The following XCL1 variants were observed in gnomAD, a reference collection of about 807,000 sequenced individuals.
The protein encoded by XCL1 is lymphotactin.
Under a neutral mutation model 7.4 loss-of-function variants are expected in XCL1, and 6 were observed. The ratio of observed to expected loss-of-function variants is 0.82; its 90% CI spans 0.45 to 1.61. The LOEUF (loss-of-function observed/expected upper bound fraction) is 1.61. Ranked by LOEUF, XCL1 falls within the 40% of genes most tolerant of loss-of-function variation. XCL1 has a pLI of 0.01. For synonymous variants in XCL1, 48 were observed against 52.4 expected (o/e 0.92, Z 0.36); for missense variants, 122 against 138.2 (o/e 0.88, Z 0.59).
rs192814714 is a variant in XCL1 at position 168,581,398 on chromosome 1, T to C, written c.*178T>C. The C allele has an allele frequency of 0.011, 7,698 of 701,452 alleles. 72 individuals carry two copies. The highest frequency in any genetic ancestry group is 0.014 in the Non-Finnish European group (6,814 of 473,330). 43.5% of individuals were successfully genotyped at this position (701,452 alleles called of 1,614,324 possible). On this transcript the variant is annotated 3_prime_UTR_variant, in exon 3 of 3. Coordinates refer to ENST00000367818, the MANE Select transcript of XCL1 (RefSeq NM_002995.3). ...TATGTTCTAATTAATAAATTATTTA[T>C]TATTAAGAATAGTTCCCTAGTCTAT...
chr1:168,578,660 T>A (rs1233450441), intron 1 of XCL1: 6 of 275,078 alleles, frequency 2.2e-5, no homozygotes, highest in African/African-American at 1.1e-4. Flanking sequence ...TTTAACCCAG[T>A]TTAGTGGCAA....
intron 1 of XCL1, among the ~76,000 whole-genome samples, chr1:168,577,837 T>G (rs1311866968): frequency 2.6e-5 from 4 of 152,158 alleles, no homozygotes; most frequent in African/African-American, 4.8e-5. Flanking sequence ...GACACTGGTC[T>G]CAAATTCCCA....
intron 1 of XCL1, chr1:168,579,052 A>G: frequency 2.4e-6 from 1 of 410,010 alleles, no homozygotes. Context: ...TAGTGGGGAC[A>G]ACCCCTTTGC....
At position 168,581,835 on chromosome 1, in the gene XCL1, T is replaced by C. The variant is rs898858236; in HGVS notation, c.*615T>C. The C allele has an allele frequency of 2.6e-5, 4 of 152,300 alleles. No individual in the cohort carries two copies. The highest frequency in any genetic ancestry group is 2.0e-4 in the Admixed American group (3 of 15,290). 9.4% of individuals were successfully genotyped at this position (152,300 alleles called of 1,614,324 possible). A position where few individuals can be genotyped will look rare whatever the true frequency, so the allele number is the denominator to read the frequency against. ...CCCTTTTTTGTCCCATTAGCAAAAA[T>C]TAGAATTTTGGTATAAAGAAACTTT... is the stretch of plus-strand genomic sequence containing the variant. On this transcript the variant is annotated 3_prime_UTR_variant, in exon 3 of 3. Coordinates refer to ENST00000367818, the MANE Select transcript of XCL1 (RefSeq NM_002995.3).
rs1320702511 is a variant in XCL1, at chr1:168,582,027, A to C, written c.*807A>C. ...TGCAATATTTCCTCATGTGATCACA[A>C]TTTGCAGTAAACTTTTAATTAAATG... On this transcript the variant is annotated 3_prime_UTR_variant, in exon 3 of 3. Coordinates refer to ENST00000367818, the MANE Select transcript of XCL1 (RefSeq NM_002995.3). The C allele has an allele frequency of 6.6e-6, 1 of 152,158 alleles. No homozygotes were observed. The highest frequency in any genetic ancestry group is 1.9e-4 in the East Asian group (1 of 5,196). The allele number at this position is 152,158 out of a possible 1,614,324, so 9.4% of individuals were successfully genotyped here. A position where few individuals can be genotyped will look rare whatever the true frequency, so the allele number is the denominator to read the frequency against.
At chr1:168,577,483 G>A (rs1250165667) in intron 1 of XCL1, among the ~76,000 whole-genome samples, 2 of 152,146 alleles carry the variant, frequency 1.3e-5, no homozygotes, top group Non-Finnish European at 2.9e-5. Flanking sequence ...GCCCTTACCT[G>A]AGCATTCAGT....
chr1:168,580,904 G>T, intron 2 of XCL1, 148 bp from the exon 3 acceptor site: 1 of 1,162,952 alleles, frequency 8.6e-7, no homozygotes, highest in South Asian at 1.8e-5. Flanking sequence ...CAGAAGAAGG[G>T]TACTCATTTA....
chr1:168,580,217 T>C, intron 2 of XCL1, 40 bp downstream of exon 2: 2 of 1,602,692 alleles, frequency 1.2e-6, no homozygotes, highest in African/African-American at 1.3e-5. Flanking sequence ...GGTGGGTATC[T>C]AGAAGTATAG....
rs1290179869 is a variant in XCL1, at chr1:168,581,337, G to T, written c.*117G>T. 5.2e-6 allele frequency: 7 copies of T among 1,340,988 alleles called. No homozygotes were observed. The highest frequency in any genetic ancestry group is 6.9e-6 in the Non-Finnish European group (7 of 1,012,940). The allele number at this position is 1,340,988 out of a possible 1,614,324, so 83.1% of individuals were successfully genotyped here. On this transcript the variant is annotated 3_prime_UTR_variant, in exon 3 of 3. Coordinates refer to ENST00000367818, the MANE Select transcript of XCL1 (RefSeq NM_002995.3). ...ACTGCATGAATAAAATTATTCCTTT[G>T]TATTTTTACTTTTAAATGTCTTCTG...
At chr1:168,577,920 G>A (rs1055258917) in intron 1 of XCL1, among the ~76,000 whole-genome samples, 1 of 152,092 alleles carries the variant, frequency 6.6e-6, no homozygotes, top group Non-Finnish European at 1.5e-5. Context: ...GAGGGAAAAC[G>A]GTCTCTGCTT....
chr1:168,576,713 T>C lies in XCL1; in HGVS notation c.61+15T>C. ...CATTGTGGAAGGTAAGTGGAGAAGC[T>C]GTCTGTGAGATAAAGAACAGGGAGG... is the stretch of plus-strand genomic sequence containing the variant. On this transcript the variant is annotated intron_variant, in intron 1 of 2. Transcript: ENST00000367818. The C allele has an allele frequency of 1.2e-6, 2 of 1,613,742 alleles. No homozygotes were observed. The highest frequency in any genetic ancestry group is 1.7e-6 in the Non-Finnish European group (2 of 1,179,768).
intron 1 of XCL1, among the ~76,000 whole-genome samples, chr1:168,577,709 A>T (rs1572577646): frequency 6.6e-6 from 1 of 152,202 alleles, no homozygotes; most frequent in African/African-American, 2.4e-5. Flanking sequence ...TGATTACTAC[A>T]TTAGGCCACA....
At position 168,581,373 on chromosome 1, in the gene XCL1, T is replaced by C. The variant is rs919104678; in HGVS notation, c.*153T>C. 3 of 862,726 alleles carry C rather than the reference T, an allele frequency of 3.5e-6. No homozygotes were observed. The African/African-American group carries it at 5.2e-5, about 15-fold the overall frequency. 53.4% of individuals were successfully genotyped at this position (862,726 alleles called of 1,614,324 possible). On this transcript the variant is annotated 3_prime_UTR_variant, in exon 3 of 3. Transcript: ENST00000367818. ...TTTAAATGTCTTCTGTATTCACTTA[T>C]ATGTTCTAATTAATAAATTATTTAT...
rs1307489385 is a variant in XCL1, at chr1:168,578,903, C to T, written c.62-1160C>T. 1.1e-5 allele frequency: 4 copies of T among 374,758 alleles called. No individual in the cohort carries two copies. In the Admixed American group the frequency reaches 1.4e-4, roughly 13 times the overall value. 23.2% of individuals were successfully genotyped at this position (374,758 alleles called of 1,614,324 possible). A position where few individuals can be genotyped will look rare whatever the true frequency, so the allele number is the denominator to read the frequency against. ...CCCCTTGATAATGCATTAAGGGACC[C>T]CCCATTTTAGGACACAGGACAGACA... On this transcript the variant is annotated intron_variant, in intron 1 of 2. Transcript: ENST00000367818.
intron 1 of XCL1, among the ~76,000 whole-genome samples, chr1:168,578,214 G>A (rs1466339729): frequency 1.3e-5 from 2 of 152,174 alleles, no homozygotes; most frequent in Non-Finnish European, 2.9e-5. Context: ...GACTGGCATT[G>A]AGAGTGAAGA....
chr1:168,576,840 G>A (rs1198346200), intron 1 of XCL1, 142 bp downstream of exon 1: 2 of 1,108,840 alleles, frequency 1.8e-6, no homozygotes, highest in African/African-American at 3.1e-5. Flanking sequence ...AGAAAGGAAT[G>A]ATGATTTTGA....
rs748805882 is a variant in XCL1, at chr1:168,581,978, T to G, written c.*758T>G. ...TGTTATGCTTTACTGCGAATAAGCT[T>G]TTAATGCTCCAAATGCTGACCCATG... On this transcript the variant is annotated 3_prime_UTR_variant, in exon 3 of 3. Transcript: ENST00000367818. 2.6e-5 allele frequency: 4 copies of G among 152,248 alleles called. No individual in the cohort carries two copies. Among genetic ancestry groups the G allele is most frequent in the Non-Finnish European group, 5.9e-5 (4 of 68,050 alleles). The allele number at this position is 152,248 out of a possible 1,614,324, so 9.4% of individuals were successfully genotyped here.
chr1:168,580,248 C>G, intron 2 of XCL1, 71 bp downstream of exon 2: 1 of 1,508,924 alleles, frequency 6.6e-7, no homozygotes, highest in South Asian at 1.3e-5. Flanking sequence ...TGTAGAAATG[C>G]TGCCGTCCTC....
intron 1 of XCL1, 37 bp from the exon 2 acceptor site, chr1:168,580,026 T>C (rs1445588565): frequency 2.5e-6 from 4 of 1,589,226 alleles, no homozygotes; most frequent in African/African-American, 2.7e-5. Flanking sequence ...ATAATTGCTT[T>C]ATTTTTAATT....
Sources: allele counts gnomAD v4.1 joint callset (sites outside exome capture counted in the v4.1 genomes callset), GRCh38; gene constraint gnomAD v4.1.1; transcripts MANE v1.5; gene names NCBI Gene and HGNC (gene_info 2026-07-23, HGNC 2026-07-21).